The following RBBP5 variants were observed in gnomAD, a reference collection of about 807,000 sequenced individuals.
RBBP5 encodes RB binding protein 5, histone lysine methyltransferase complex subunit.
RBBP5 carries 5 observed loss-of-function variants against 72.2 expected under a neutral mutation model. The observed-to-expected ratio is 0.07, with a 90% CI of 0.04 to 0.15. The LOEUF is 0.15. Ranked by LOEUF, RBBP5 falls within the 10% of genes least tolerant of loss-of-function variation. The pLI, the probability that RBBP5 is intolerant of heterozygous loss-of-function variation, is 1.00. For missense variants in RBBP5, 322 were observed against 652.2 expected (o/e 0.49, Z 5.51); for synonymous variants, 209 against 237.2 (o/e 0.88, Z 1.09).
At chr1:205,095,310 C>T (rs1354923872) in intron 12 of RBBP5, among the ~76,000 whole-genome samples, 2 of 152,138 alleles carry the variant, frequency 1.3e-5, no homozygotes, top group African/African-American at 4.8e-5. Context: ...CTACATGCGG[C>T]CTAGGACAGC....
intron 3 of RBBP5, among the ~76,000 whole-genome samples, chr1:205,111,605 C>T (rs1656318386): frequency 6.6e-6 from 1 of 152,206 alleles, no homozygotes; most frequent in African/African-American, 2.4e-5. Flanking sequence ...CCATTTCTCA[C>T]ATCTGTCTAA....
rs550112171 is a variant in RBBP5, at chr1:205,086,654, T to A, written c.*2133A>T. ...ATTCAAATTGAAATGGATAGAAGGT[T>A]TTTTAAAAGTTGAAAAAAAAATTCC... On this transcript the variant is annotated 3_prime_UTR_variant, in exon 14 of 14. Coordinates refer to ENST00000264515, the MANE Select transcript of RBBP5 (RefSeq NM_005057.4). The A allele has an allele frequency of 1.3e-5, 2 of 152,152 alleles. No homozygotes were observed. Among genetic ancestry groups the A allele is most frequent in the African/African-American group, 2.4e-5 (1 of 41,480 alleles). 9.4% of individuals were successfully genotyped at this position (152,152 alleles called of 1,614,324 possible). A position where few individuals can be genotyped will look rare whatever the true frequency, so the allele number is the denominator to read the frequency against.
Position 205,087,198 on chromosome 1 carries a change from AT to A in RBBP5, c.*1588del, listed in dbSNP as rs35535472. 56,581 of 141,768 alleles carry A rather than the reference AT, an allele frequency of 0.4. 11,277 individuals are homozygous for A. Among genetic ancestry groups the A allele is most frequent in the Non-Finnish European group, 0.46 (29,727 of 65,154 alleles). The allele number at this position is 141,768 out of a possible 1,614,324, so 8.8% of individuals were successfully genotyped here. A position where few individuals can be genotyped will look rare whatever the true frequency, so the allele number is the denominator to read the frequency against. ...ATAGGAGCATCCACCAACTGATATC[AT>A]TTTTTTTTTTTTTTTGAGATAGAGT... On this transcript the variant is annotated 3_prime_UTR_variant, in exon 14 of 14. Coordinates refer to ENST00000264515, the MANE Select transcript of RBBP5 (RefSeq NM_005057.4).
intron 2 of RBBP5, among the ~76,000 whole-genome samples, chr1:205,115,308 AAAACAAAAAGAATTT>A (rs1378108142): frequency 1.3e-5 from 2 of 152,176 alleles, no homozygotes; most frequent in African/African-American, 4.8e-5. Flanking sequence ...CCAAGAATTT[AAAACAAAAAGAATTT>A]AAACAAAAAG....
At chr1:205,104,066 C>T (rs1225686799) in intron 4 of RBBP5, 47 bp from the exon 5 acceptor site, 1 of 1,580,798 alleles carries the variant, frequency 6.3e-7, no homozygotes. Flanking sequence ...TTGGTATCAG[C>T]AAGCTGATTC....
chr1:205,096,952 G>C (rs1558572590), intron 11 of RBBP5, 41 bp from the exon 12 acceptor site: 1 of 1,517,834 alleles, frequency 6.6e-7, no homozygotes. Context: ...GAAAAAAGAG[G>C]AGATAGTTGC....
At chr1:205,089,394 G>A (rs781388208) in intron 13 of RBBP5, among the ~76,000 whole-genome samples, 6 of 152,140 alleles carry the variant, frequency 3.9e-5, no homozygotes, top group Non-Finnish European at 7.3e-5. Context: ...ACAATGAAAT[G>A]AACACTTCCC....
intron 3 of RBBP5, among the ~76,000 whole-genome samples, chr1:205,113,784 A>G (rs1329046326): frequency 6.6e-6 from 1 of 151,290 alleles, no homozygotes; most frequent in African/African-American, 2.4e-5. Flanking sequence ...TTCCAGGTTC[A>G]AGCGATTCTC....
In RBBP5 at chr1:205,098,882, G is replaced by T. The variant is rs147028371; in HGVS notation, c.1096+107C>A. On this transcript the variant is annotated intron_variant, in intron 10 of 13. Transcript: ENST00000264515. ...AAAAAAAAGTGTGGGGTGGAGGGGG[G>T]CATTTTAGATGAAGTGCTGAAATAA... is the stretch of plus-strand genomic sequence containing the variant. The T allele has an allele frequency of 2.1e-5, 14 of 668,980 alleles. No individual in the cohort carries two copies. In the South Asian group the frequency reaches 3.3e-4, roughly 16 times the overall value. The allele number at this position is 668,980 out of a possible 1,614,324, so 41.4% of individuals were successfully genotyped here. A position where few individuals can be genotyped will look rare whatever the true frequency, so the allele number is the denominator to read the frequency against.
chr1:205,111,184 A>T (rs1051039095), intron 3 of RBBP5, among the ~76,000 whole-genome samples: 3 of 152,250 alleles, frequency 2.0e-5, no homozygotes, highest in African/African-American at 7.2e-5. Flanking sequence ...CCTTTGACTG[A>T]CTAATAACAC....
intron 1 of RBBP5, chr1:205,116,319 TCA>T (rs1325966668): frequency 5.3e-6 from 2 of 380,542 alleles, no homozygotes; most frequent in Non-Finnish European, 1.1e-5. Context: ...AAATATTATC[TCA>T]GTTTTAACTT....
At chr1:205,090,579 C>A (rs932486975) in intron 13 of RBBP5, among the ~76,000 whole-genome samples, 2 of 152,174 alleles carry the variant, frequency 1.3e-5, no homozygotes, top group Non-Finnish European at 2.9e-5. Flanking sequence ...AAGACTCCAG[C>A]CAATTTAAAG....
chr1:205,120,275 G>T (rs927805592), intron 1 of RBBP5, among the ~76,000 whole-genome samples: 2 of 152,018 alleles, frequency 1.3e-5, no homozygotes, highest in Non-Finnish European at 2.9e-5. Context: ...AGCTCTGATT[G>T]AGTTACTAAG....
intron 3 of RBBP5, among the ~76,000 whole-genome samples, chr1:205,105,942 T>G (rs983138349): frequency 6.6e-6 from 1 of 152,238 alleles, no homozygotes; most frequent in African/African-American, 2.4e-5. Flanking sequence ...TTGAAGCAGA[T>G]AGCCTAGACT....
At chr1:205,093,550 A>ACG (rs1558570560) in intron 13 of RBBP5, among the ~76,000 whole-genome samples, 47 of 114,170 alleles carry the variant, frequency 4.1e-4, no homozygotes, top group African/African-American at 1.2e-3. Context: ...ACACACACAC[A>ACG]CACACACACA....
chr1:205,105,196 AC>A, intron 3 of RBBP5, 28 bp from the exon 4 acceptor site: 1 of 1,598,928 alleles, frequency 6.3e-7, no homozygotes, highest in Non-Finnish European at 8.5e-7. Flanking sequence ...GTAATTTAGC[AC>A]ATATTCTAAG....
intron 6 of RBBP5, 27 bp from the exon 7 acceptor site, chr1:205,100,298 C>T (rs374924510): frequency 6.8e-6 from 11 of 1,610,538 alleles, no homozygotes; most frequent in Non-Finnish European, 9.3e-6. Context: ...AATATCAACA[C>T]CAGAGGTCAG....
intron 2 of RBBP5, 86 bp from the exon 3 acceptor site, chr1:205,115,047 A>G: frequency 8.2e-7 from 1 of 1,221,368 alleles, no homozygotes; most frequent in Non-Finnish European, 1.2e-6. Flanking sequence ...CACTTGTGAT[A>G]CTTTTATTGA....
At chr1:205,096,518 T>C (rs943666772) in intron 12 of RBBP5, among the ~76,000 whole-genome samples, 164 bp downstream of exon 12, 1 of 152,198 alleles carries the variant, frequency 6.6e-6, no homozygotes, top group Non-Finnish European at 1.5e-5. Flanking sequence ...AAGAGAGAAG[T>C]GAACACAGAC....
Sources: gnomAD v4.1 joint callset for allele counts (sites outside exome capture counted in the v4.1 genomes callset) on GRCh38, gnomAD v4.1.1 for gene constraint, MANE v1.5 for transcripts, NCBI Gene and HGNC (gene_info 2026-07-23, HGNC 2026-07-21) for gene names.